MDGA2: variants seen among roughly 807,000 people sequenced by gnomAD.
MDGA2 encodes the protein MAM domain-containing glycosylphosphatidylinositol anchor protein 2.
MDGA2 carries 40 observed loss-of-function variants against 117.8 expected under a neutral mutation model. That is an observed-to-expected ratio of 0.34 (90% CI 0.26 to 0.44). The LOEUF is 0.44. Among genes scored for constraint, MDGA2 ranks in the 20% least tolerant of loss-of-function variants. The pLI is 1.00. For synonymous variants in MDGA2, 452 were observed against 439.0 expected (o/e 1.03, Z -0.37); for missense variants, 1,123 against 1,250.6 (o/e 0.90, Z 1.54).
chr14:47,179,474 T>C (rs1437803136), intron 3 of MDGA2, among the ~76,000 whole-genome samples: 1 of 152,058 alleles, frequency 6.6e-6, no homozygotes, highest in Non-Finnish European at 1.5e-5. Flanking sequence ...TGTGAAGACC[T>C]GATATATCCA....
At chr14:47,505,871 A>C (rs1894501072) in intron 1 of MDGA2, among the ~76,000 whole-genome samples, 1 of 152,166 alleles carries the variant, frequency 6.6e-6, no homozygotes, top group Admixed American at 6.5e-5. Context: ...AATTTAGAAA[A>C]ATAATAATCA....
chr14:46,909,420 C>T (rs559527191), intron 10 of MDGA2, among the ~76,000 whole-genome samples: 1 of 152,174 alleles, frequency 6.6e-6, no homozygotes, highest in African/African-American at 2.4e-5. Flanking sequence ...AGTCAAGGGG[C>T]TGCTTGGGTG....
chr14:47,389,617 CACA>C (rs769673673), intron 1 of MDGA2, among the ~76,000 whole-genome samples: 38,138 of 151,304 alleles, frequency 0.25, 4,979 homozygotes, highest in South Asian at 0.44. Context: ...CACACACACA[CACA>C]CACACACACA....
intron 1 of MDGA2, among the ~76,000 whole-genome samples, chr14:47,441,687 C>G (rs185131685): frequency 6.6e-6 from 1 of 152,068 alleles, no homozygotes; most frequent in Admixed American, 6.6e-5. Context: ...AAACAACATA[C>G]GACAACTAGC....
intron 15 of MDGA2, among the ~76,000 whole-genome samples, chr14:46,850,186 T>C (rs940094618): frequency 6.6e-6 from 1 of 151,876 alleles, no homozygotes; most frequent in Admixed American, 6.6e-5. Flanking sequence ...TGTATTAGAA[T>C]TGTACCTCAC....
At chr14:47,499,033 C>T (rs1388001438) in intron 1 of MDGA2, among the ~76,000 whole-genome samples, 1 of 151,860 alleles carries the variant, frequency 6.6e-6, no homozygotes, top group Non-Finnish European at 1.5e-5. Flanking sequence ...TATTTATTTT[C>T]CTTGTATTAT....
At chr14:47,527,888 A>C (rs886750035) in intron 1 of MDGA2, among the ~76,000 whole-genome samples, 3 of 152,182 alleles carry the variant, frequency 2.0e-5, no homozygotes, top group African/African-American at 7.2e-5. Context: ...GAAAGAGATA[A>C]AAGGAGTGGG....
chr14:47,152,418 G>A (rs1205207384), intron 3 of MDGA2, among the ~76,000 whole-genome samples: 1 of 152,064 alleles, frequency 6.6e-6, no homozygotes, highest in Non-Finnish European at 1.5e-5. Context: ...TTTGGGCCAG[G>A]ATGTTTGGAA....
intron 1 of MDGA2, among the ~76,000 whole-genome samples, chr14:47,502,232 C>A (rs1047066101): frequency 2.6e-5 from 4 of 152,022 alleles, no homozygotes; most frequent in African/African-American, 9.7e-5. Context: ...TAAAAAGTAT[C>A]CCTTACTTTT....
At chr14:46,848,570 A>G (rs543667157) in intron 15 of MDGA2, among the ~76,000 whole-genome samples, 40 of 151,636 alleles carry the variant, frequency 2.6e-4, no homozygotes, top group Middle Eastern at 3.4e-3. Context: ...TTTTTATATT[A>G]ATTTTCTTTT....
chr14:47,130,815 A>C (rs183468869), intron 5 of MDGA2, among the ~76,000 whole-genome samples: 3 of 152,206 alleles, frequency 2.0e-5, no homozygotes, highest in Admixed American at 1.3e-4. Flanking sequence ...AGACACAAAA[A>C]AAGCCCACAC....
intron 1 of MDGA2, among the ~76,000 whole-genome samples, chr14:47,563,523 G>A (rs1189880155): frequency 8.8e-6 from 1 of 113,110 alleles, no homozygotes; most frequent in African/African-American, 3.6e-5. Flanking sequence ...AAAAATTTTT[G>A]TTGGTTTAAA....
At chr14:47,339,204 A>G (rs1008804684) in intron 1 of MDGA2, among the ~76,000 whole-genome samples, 2 of 152,194 alleles carry the variant, frequency 1.3e-5, no homozygotes, top group Non-Finnish European at 2.9e-5. Context: ...GGGAACTGGC[A>G]TTAGTATTTA....
chr14:47,180,779 G>A (rs1272899545), intron 3 of MDGA2, among the ~76,000 whole-genome samples: 2 of 152,028 alleles, frequency 1.3e-5, no homozygotes, highest in Non-Finnish European at 2.9e-5. Context: ...AAATTAGCCG[G>A]TCATGATGGC....
intron 1 of MDGA2, among the ~76,000 whole-genome samples, chr14:47,560,883 A>G (rs773259095): frequency 3.9e-5 from 6 of 152,054 alleles, no homozygotes; most frequent in Non-Finnish European, 5.9e-5. Context: ...TGGGGTAAGG[A>G]AGGGGTTCAG....
chr14:47,517,738 T>A (rs892932842), intron 1 of MDGA2, among the ~76,000 whole-genome samples: 1 of 152,162 alleles, frequency 6.6e-6, no homozygotes, highest in Non-Finnish European at 1.5e-5. Context: ...TCAAACATCA[T>A]GAAGAATAGC....
At chr14:47,227,753 A>T (rs1174358141) in intron 2 of MDGA2, among the ~76,000 whole-genome samples, 3 of 152,130 alleles carry the variant, frequency 2.0e-5, no homozygotes, top group Non-Finnish European at 4.4e-5. Flanking sequence ...TCCACAATGC[A>T]CCCAAAGTAG....
intron 1 of MDGA2, among the ~76,000 whole-genome samples, chr14:47,560,274 T>C (rs1375717010): frequency 6.6e-6 from 1 of 151,908 alleles, no homozygotes; most frequent in East Asian, 2.0e-4. Flanking sequence ...GGTTTCACCG[T>C]GTTAGCCAGG....
chr14:47,273,488 A>C lies in MDGA2; in HGVS notation c.420+27923T>G, dbSNP rs183840374. ...GTCATAAGGGATTTTTTGAATTATA[A>C]GATCCTTATAACAAGAAGAAAGTAA... On this transcript the variant is annotated intron_variant, in intron 2 of 16. Transcript: ENST00000399232. Among the ~76,000 whole-genome samples the C allele has an allele frequency of 4.4e-3, 672 of 152,284 alleles. 8 individuals are homozygous for C. The highest frequency in any genetic ancestry group is 0.015 in the African/African-American group (638 of 41,556).
Sources: allele counts gnomAD v4.1 joint callset (sites outside exome capture counted in the v4.1 genomes callset), GRCh38; gene constraint gnomAD v4.1.1; transcripts MANE v1.5; gene names NCBI Gene and HGNC (gene_info 2026-07-23, HGNC 2026-07-21).